LY6E: variants seen among roughly 807,000 people sequenced by gnomAD.
The protein encoded by LY6E is lymphocyte antigen 6 family member E.
LY6E carries 4 observed loss-of-function variants against 7.7 expected under a neutral mutation model. The observed-to-expected ratio is 0.52, with a 90% CI of 0.25 to 1.18. The LOEUF is 1.18. Ranked by LOEUF, LY6E falls within the 50% of genes most tolerant of loss-of-function variation. The pLI, the probability that LY6E is intolerant of heterozygous loss-of-function variation, is 0.14. For synonymous variants in LY6E, 81 were observed against 80.1 expected, an observed-to-expected ratio of 1.01 and a Z score of -0.06; for missense variants, 156 against 168.0, an observed-to-expected ratio of 0.93 and a Z score of 0.40.
Position 143,021,722 on chromosome 8 carries a change from G to A in LY6E, c.329G>A (p.Ser110Asn). The change falls in exon 4 of 4, where the codon AGC becomes AAC. Residue 110 changes from serine (S) to asparagine (N), a missense_variant. Physicochemically the swap from Ser to Asn is conservative, Grantham distance 46. Transcript: ENST00000292494. ...FSAADGGLRA[S>N]VTLLGAGLLL... ...GCGGCCGATGGCGGGCTGCGGGCAAGCGTCACCCTGCTGGGTGCCGGGCTG... is the reference window on the plus strand; with the variant it reads ...GCGGCCGATGGCGGGCTGCGGGCAAACGTCACCCTGCTGGGTGCCGGGCTG... 6.2e-7 allele frequency: 1 copy of A among 1,613,220 alleles called. No homozygotes were observed. Among genetic ancestry groups the A allele is most frequent in the Non-Finnish European group, 8.5e-7 (1 of 1,180,018 alleles).
chr8:143,021,137 A>T, intron 2 of LY6E, 146 bp downstream of exon 2: 1 of 1,234,490 alleles, frequency 8.1e-7, no homozygotes, highest in Non-Finnish European at 1.1e-6. Context: ...ACACTGTCTC[A>T]CTGTGTGTTT....
At chr8:143,019,327 C>G (rs1298614358) in intron 1 of LY6E, among the ~76,000 whole-genome samples, 1 of 152,218 alleles carries the variant, frequency 6.6e-6, no homozygotes, top group African/African-American at 2.4e-5. Flanking sequence ...TGGCTCCCTC[C>G]GGGCTCCATG....
At chr8:143,020,431 ACT>A (rs1168622935) in intron 1 of LY6E, 3 of 155,850 alleles carry the variant, frequency 1.9e-5, no homozygotes, top group African/African-American at 7.2e-5. Context: ...AGGAGGTCTC[ACT>A]GTGTTGCCCA....
rs1416469874 is a variant in LY6E, at chr8:143,020,961, C to T, written c.22C>T (p.Leu8=). The T allele has an allele frequency of 3.1e-6, 5 of 1,613,994 alleles. No homozygotes were observed. Among genetic ancestry groups the T allele is most frequent in the Non-Finnish European group, 3.4e-6 (4 of 1,179,980 alleles). MKIFLPV[L]LAALLGVERA... is the part of the protein sequence containing the mutation. ...CAGAATGAAGATCTTCTTGCCAGTG[C>T]TGCTGGCTGCCCTTCTGGGTGTGGA... Residue 8 remains leucine, a synonymous_variant, in exon 2 of 4, where the codon CTG becomes TTG. Transcript: ENST00000292494.
intron 1 of LY6E, chr8:143,018,937 C>T (rs1238005755): frequency 6.6e-6 from 1 of 152,236 alleles, no homozygotes; most frequent in African/African-American, 2.4e-5. Context: ...GCCCATCACC[C>T]AACTCCAGAC....
chr8:143,019,591 C>T (rs1819165705), intron 1 of LY6E, among the ~76,000 whole-genome samples: 1 of 152,222 alleles, frequency 6.6e-6, no homozygotes. Flanking sequence ...GGGATAGGCC[C>T]CAGCCGGACT....
intron 2 of LY6E, 25 bp downstream of exon 2, chr8:143,021,016 A>G (rs1479231846): frequency 6.2e-7 from 1 of 1,611,854 alleles, no homozygotes; most frequent in Non-Finnish European, 8.5e-7. Flanking sequence ...GGGACCCCAG[A>G]CCTTTGTCCA....
In LY6E at chr8:143,021,324, G is replaced by C; in HGVS notation, c.63G>C (p.Leu21=). 1.2e-6 allele frequency: 2 copies of C among 1,613,704 alleles called. No individual in the cohort carries two copies. The highest frequency in any genetic ancestry group is 1.7e-4 in the Middle Eastern group (1 of 6,060). The change falls in exon 3 of 4, where the codon CTG becomes CTC. Residue 21 remains leucine, a synonymous_variant. Coordinates refer to ENST00000292494, the MANE Select transcript of LY6E (RefSeq NM_002346.3). The stretch of plus-strand genomic sequence containing the variant: ...GTCCTCCTTCCGCAGCCAGCTCGCT[G>C]ATGTGCTTCTCCTGCTTGAACCAGA... ...ALLGVERASS[L]MCFSCLNQKS...
intron 1 of LY6E, chr8:143,018,958 C>G (rs1262026331): frequency 6.6e-6 from 1 of 152,238 alleles, no homozygotes; most frequent in East Asian, 1.9e-4. Context: ...GCTCCTGGCT[C>G]CTCTACGTGG....
In LY6E at chr8:143,021,621, C is replaced by A; in HGVS notation, c.228C>A (p.Pro76=). The A allele has an allele frequency of 1.2e-6, 2 of 1,614,054 alleles. No individual in the cohort carries two copies. Residue 76 remains proline, a synonymous_variant, in exon 4 of 4, where the codon CCC becomes CCA. Transcript: ENST00000292494. Reference sequence around the variant, plus strand: ...GCAAGACCTGTTCCCCGGCCTGCCCCATCCCAGAAGGCGTCAATGTTGGTG... The same window carrying A: ...GCAAGACCTGTTCCCCGGCCTGCCCAATCCCAGAAGGCGTCAATGTTGGTG... ...SLSKTCSPAC[P]IPEGVNVGVA...
At chr8:143,020,534 C>T (rs1242371330) in intron 1 of LY6E, among the ~76,000 whole-genome samples, 1 of 152,222 alleles carries the variant, frequency 6.6e-6, no homozygotes, top group South Asian at 2.1e-4. Flanking sequence ...GTACCCAGCC[C>T]CAGACTAGCT....
At chr8:143,019,498 C>T (rs1819162700) in intron 1 of LY6E, among the ~76,000 whole-genome samples, 2 of 152,208 alleles carry the variant, frequency 1.3e-5, no homozygotes, top group South Asian at 4.1e-4. Context: ...CTCAGGGACC[C>T]CCCCACACCA....
intron 1 of LY6E, 87 bp from the exon 2 acceptor site, chr8:143,020,792 GCTGT>G (rs1420205777): frequency 5.9e-6 from 4 of 680,836 alleles, no homozygotes; most frequent in South Asian, 3.5e-5. Flanking sequence ...CTTCCCCTCT[GCTGT>G]CTGTGTCCTC....
Position 143,021,813 on chromosome 8 carries a change from C to A in LY6E, c.*24C>A, listed in dbSNP as rs777067942. 3.2e-6 allele frequency: 5 copies of A among 1,568,476 alleles called. No homozygotes were observed. In the Admixed American group the frequency reaches 6.9e-5, roughly 22 times the overall value. On this transcript the variant is annotated 3_prime_UTR_variant, in exon 4 of 4. Transcript: ENST00000292494. ...GACCGCCCAGACCCTGTCCCCCGATCCCCCAGCTCAGGAAGGAAAGCCCAG... is the reference window on the plus strand; with the variant it reads ...GACCGCCCAGACCCTGTCCCCCGATACCCCAGCTCAGGAAGGAAAGCCCAG...
At chr8:143,021,221 G>T in intron 2 of LY6E, 93 bp from the exon 3 acceptor site, 1 of 1,528,706 alleles carries the variant, frequency 6.5e-7, no homozygotes, top group Non-Finnish European at 8.8e-7. Context: ...CCAGGGCCTG[G>T]TATACAGTAA....
intron 3 of LY6E, 58 bp downstream of exon 3, chr8:143,021,491 C>T (rs747466387): frequency 2.9e-5 from 47 of 1,613,152 alleles, no homozygotes; most frequent in Non-Finnish European, 3.7e-5. Context: ...TAGCCCGGGC[C>T]GGGGCTCAGC....
Position 143,021,857 on chromosome 8 carries a change from G to A in LY6E, c.*68G>A. 1 of 1,389,354 alleles carries A rather than the reference G, an allele frequency of 7.2e-7. No homozygotes were observed. The highest frequency in any genetic ancestry group is 9.8e-7 in the Non-Finnish European group (1 of 1,025,336). 86.1% of individuals were successfully genotyped at this position (1,389,354 alleles called of 1,614,324 possible). A position where few individuals can be genotyped will look rare whatever the true frequency, so the allele number is the denominator to read the frequency against. Reference sequence around the variant, plus strand: ...AGCCCAGCCCTTTCTGGATCCCACAGTGTATGGGAGCCCCTGACTCCTCAC... The same window carrying A: ...AGCCCAGCCCTTTCTGGATCCCACAATGTATGGGAGCCCCTGACTCCTCAC... On this transcript the variant is annotated 3_prime_UTR_variant, in exon 4 of 4. Transcript: ENST00000292494.
At chr8:143,020,800 T>C in intron 1 of LY6E, 83 bp from the exon 2 acceptor site, 1 of 716,336 alleles carries the variant, frequency 1.4e-6, no homozygotes, top group East Asian at 2.7e-5. Context: ...CTGCTGTCTG[T>C]GTCCTCATCT....
In LY6E at chr8:143,021,943, A is replaced by G; in HGVS notation, c.*154A>G. On this transcript the variant is annotated 3_prime_UTR_variant, in exon 4 of 4. Transcript: ENST00000292494. ...CACCCCCTGCACCTCCACCTGCCCC[A>G]GCCCCTGCCTCTGCCCCAAGTGGGG... 1 of 676,052 alleles carries G rather than the reference A, an allele frequency of 1.5e-6. No homozygotes were observed. The highest frequency in any genetic ancestry group is 2.5e-6 in the Non-Finnish European group (1 of 406,890). The allele number at this position is 676,052 out of a possible 1,614,324, so 41.9% of individuals were successfully genotyped here. A position where few individuals can be genotyped will look rare whatever the true frequency, so the allele number is the denominator to read the frequency against.
Sources: gnomAD v4.1 joint callset for allele counts (sites outside exome capture counted in the v4.1 genomes callset) on GRCh38, gnomAD v4.1.1 for gene constraint, MANE v1.5 for transcripts, NCBI Gene and HGNC (gene_info 2026-07-23, HGNC 2026-07-21) for gene names.